Variants in DERA observed in about 807,000 individuals in gnomAD.
DERA encodes deoxyribose-phosphate aldolase.
A neutral mutation model predicts 41.1 loss-of-function variants in DERA; 15 were observed. That is an observed-to-expected ratio of 0.37 (90% CI 0.24 to 0.56). The LOEUF (loss-of-function observed/expected upper bound fraction) is 0.56. DERA is among the 20% of genes least tolerant of loss of function. The pLI, the probability that DERA is intolerant of heterozygous loss-of-function variation, is 0.81. For missense variants in DERA, 396 were observed against 403.4 expected (o/e 0.98, Z 0.16); for synonymous variants, 139 against 137.4 (o/e 1.01, Z -0.08).
rs1949007167 is a variant in DERA at position 16,019,894 on chromosome 12, T to G, written c.638-12648T>G. Among the ~76,000 whole-genome samples, 1 of 152,202 alleles carries G rather than the reference T, an allele frequency of 6.6e-6. No homozygotes were observed. The highest frequency in any genetic ancestry group is 2.4e-5 in the African/African-American group (1 of 41,446). Reference sequence around the variant, plus strand: ...GGCCTGGTGGGAGGGGATTGGATCATGGAGGTAGATCCTTCATGAATGGCT... The same window carrying G: ...GGCCTGGTGGGAGGGGATTGGATCAGGGAGGTAGATCCTTCATGAATGGCT... On this transcript the variant is annotated intron_variant, in intron 6 of 8. Transcript: ENST00000428559. The surrounding 1 kb of genome is among the most constrained non-coding windows in gnomAD (Gnocchi z 4.4).
chr12:15,988,135 T>C lies in DERA; in HGVS notation c.637+5699T>C, dbSNP rs1948777706. On this transcript the variant is annotated intron_variant, in intron 6 of 8. Coordinates refer to ENST00000428559, the MANE Select transcript of DERA (RefSeq NM_015954.4). This position sits in a 1 kb window ranked among gnomAD's most constrained non-coding sequence, Gnocchi z 6.0. ...GAGCCCCAAAGAGGGTGTTACAGCATGTCACAGGCCTAGCTGGGGGAGCCC... is the reference window on the plus strand; with the variant it reads ...GAGCCCCAAAGAGGGTGTTACAGCACGTCACAGGCCTAGCTGGGGGAGCCC... Among the ~76,000 whole-genome samples, 1 of 152,120 alleles carries C rather than the reference T, an allele frequency of 6.6e-6. No homozygotes were observed. Among genetic ancestry groups the C allele is most frequent in the Non-Finnish European group, 1.5e-5 (1 of 68,018 alleles).
rs572818095 is a variant in DERA at position 15,922,818 on chromosome 12, A to T, written c.31+11404A>T. Among the ~76,000 whole-genome samples, 1 of 152,180 alleles carries T rather than the reference A, an allele frequency of 6.6e-6. No individual in the cohort carries two copies. The highest frequency in any genetic ancestry group is 6.5e-5 in the Admixed American group (1 of 15,294). On this transcript the variant is annotated intron_variant, in intron 1 of 8. Transcript: ENST00000428559. The surrounding 1 kb of genome is among the most constrained non-coding windows in gnomAD (Gnocchi z 4.9). Reference sequence around the variant, plus strand: ...GAGGGGCTTCAGTACATTGGCTTGTACTTTCCAAGTCTGTAAAACAGACAC... The same window carrying T: ...GAGGGGCTTCAGTACATTGGCTTGTTCTTTCCAAGTCTGTAAAACAGACAC...
At chr12:15,974,311 A>T (rs1948683481) in intron 5 of DERA, among the ~76,000 whole-genome samples, 1 of 152,204 alleles carries the variant, frequency 6.6e-6, no homozygotes, top group Non-Finnish European at 1.5e-5. Flanking sequence ...AGTGTTCTTT[A>T]TTAGGTGTAG....
chr12:15,982,235 C>A lies in DERA; in HGVS notation c.509-73C>A, dbSNP rs1948737000. 2 of 1,453,038 alleles carry A rather than the reference C, an allele frequency of 1.4e-6. No homozygotes were observed. Among genetic ancestry groups the A allele is most frequent in the South Asian group, 1.3e-5 (1 of 74,242 alleles). The allele number at this position is 1,453,038 out of a possible 1,614,324, so 90.0% of individuals were successfully genotyped here. ...TTCCTAAATGTGAAATGGGTTCCAC[C>A]AGCTCTAAACGGCTGCCAAGTTATG... On this transcript the variant is annotated intron_variant, in intron 5 of 8. Coordinates refer to ENST00000428559, the MANE Select transcript of DERA (RefSeq NM_015954.4). This position sits in a 1 kb window ranked among gnomAD's most constrained non-coding sequence, Gnocchi z 4.0.
Position 15,921,995 on chromosome 12 carries a change from A to T in DERA, c.31+10581A>T. 6.6e-6 allele frequency among the ~76,000 whole-genome samples: 1 copy of T among 152,204 alleles called. No homozygotes were observed. The highest frequency in any genetic ancestry group is 1.9e-4 in the East Asian group (1 of 5,194). On this transcript the variant is annotated intron_variant, in intron 1 of 8. Coordinates refer to ENST00000428559, the MANE Select transcript of DERA (RefSeq NM_015954.4). This position sits in a 1 kb window ranked among gnomAD's most constrained non-coding sequence, Gnocchi z 5.3. Reference sequence around the variant, plus strand: ...AAATGTATTTTAGTTTTGTGTCTTTATAAGCAGAGTTTTCCTTTTTTAACT... The same window carrying T: ...AAATGTATTTTAGTTTTGTGTCTTTTTAAGCAGAGTTTTCCTTTTTTAACT...
At position 16,004,740 on chromosome 12, in the gene DERA, A is replaced by T. The variant is rs1948898634; in HGVS notation, c.637+22304A>T. Among the ~76,000 whole-genome samples the T allele has an allele frequency of 6.6e-6, 1 of 152,114 alleles. No individual in the cohort carries two copies. ...ATTCTTTTTTCAAAAACCAAGGTGGATTATGTTTATTAAATGTTTTTAAAA... is the reference window on the plus strand; with the variant it reads ...ATTCTTTTTTCAAAAACCAAGGTGGTTTATGTTTATTAAATGTTTTTAAAA... On this transcript the variant is annotated intron_variant, in intron 6 of 8. Transcript: ENST00000428559. The surrounding 1 kb of genome is among the most constrained non-coding windows in gnomAD (Gnocchi z 4.2).
At chr12:15,964,096 A>T (rs1484862478) in intron 5 of DERA, among the ~76,000 whole-genome samples, 1 of 152,196 alleles carries the variant, frequency 6.6e-6, no homozygotes, top group African/African-American at 2.4e-5. Flanking sequence ...GTTCCAAAGC[A>T]TGTGGCTTCT....
chr12:15,915,614 T>C lies in DERA; in HGVS notation c.31+4200T>C, dbSNP rs1948193425. 6.6e-6 allele frequency among the ~76,000 whole-genome samples: 1 copy of C among 152,160 alleles called. No homozygotes were observed. The highest frequency in any genetic ancestry group is 6.5e-5 in the Admixed American group (1 of 15,278). On this transcript the variant is annotated intron_variant, in intron 1 of 8. Transcript: ENST00000428559. This position sits in a 1 kb window ranked among gnomAD's most constrained non-coding sequence, Gnocchi z 4.8. Reference sequence around the variant, plus strand: ...ATGGCCTAGAATGGCATCTTAAACCTCAACAATAGGCAAAGGCTATCTGTT... The same window carrying C: ...ATGGCCTAGAATGGCATCTTAAACCCCAACAATAGGCAAAGGCTATCTGTT...
intron 5 of DERA, among the ~76,000 whole-genome samples, chr12:15,979,881 A>G (rs1592031872): frequency 6.6e-6 from 1 of 152,372 alleles, no homozygotes; most frequent in Non-Finnish European, 1.5e-5. Flanking sequence ...GTAGTACTCT[A>G]GAAAAAGGAT....
At position 16,009,151 on chromosome 12, in the gene DERA, A is replaced by G. The variant is rs1948931634; in HGVS notation, c.638-23391A>G. Among the ~76,000 whole-genome samples, 1 of 152,210 alleles carries G rather than the reference A, an allele frequency of 6.6e-6. No individual in the cohort carries two copies. Among genetic ancestry groups the G allele is most frequent in the South Asian group, 2.1e-4 (1 of 4,824 alleles). The stretch of plus-strand genomic sequence containing the variant: ...GCCAAGCACTTAGTAATTTTCAGAA[A>G]GGGAGACTTATTCTGTTCCTCCTCC... On this transcript the variant is annotated intron_variant, in intron 6 of 8. Transcript: ENST00000428559. The surrounding 1 kb of genome is among the most constrained non-coding windows in gnomAD (Gnocchi z 5.3).
chr12:15,973,019 A>T (rs2136156430), intron 5 of DERA, among the ~76,000 whole-genome samples: 1 of 151,954 alleles, frequency 6.6e-6, no homozygotes, highest in Middle Eastern at 3.4e-3. Flanking sequence ...GGCCTTTCTC[A>T]TTGTGGCCGA....
chr12:15,952,905 T>G lies in DERA; in HGVS notation c.32-4031T>G, dbSNP rs1366282809. ...GACAGCCCCACAAACTTGCAGTGCT[T>G]CCGGTTTATTTTTCCTGCATCCTGC... is the stretch of plus-strand genomic sequence containing the variant. On this transcript the variant is annotated intron_variant, in intron 1 of 8. Coordinates refer to ENST00000428559, the MANE Select transcript of DERA (RefSeq NM_015954.4). 2.0e-5 allele frequency among the ~76,000 whole-genome samples: 3 copies of G among 152,184 alleles called. No individual in the cohort carries two copies. The East Asian group carries it at 5.8e-4, about 29-fold the overall frequency.
chr12:15,964,267 G>A (rs1011276103), intron 5 of DERA, among the ~76,000 whole-genome samples: 3 of 152,142 alleles, frequency 2.0e-5, no homozygotes, highest in African/African-American at 4.8e-5. Flanking sequence ...GCTGAGTGAC[G>A]TGGCCATTCT....
At chr12:15,958,956 G>T (rs138291378) in intron 3 of DERA, among the ~76,000 whole-genome samples, 1 of 152,264 alleles carries the variant, frequency 6.6e-6, no homozygotes, top group Non-Finnish European at 1.5e-5. Flanking sequence ...AGGCTAAGCG[G>T]CATTCCCAAG....
intron 1 of DERA, among the ~76,000 whole-genome samples, chr12:15,939,526 G>A (rs1195594704): frequency 6.6e-6 from 1 of 152,080 alleles, no homozygotes; most frequent in Non-Finnish European, 1.5e-5. Flanking sequence ...TTCTTTTGTA[G>A]GAGTAAATTT....
At chr12:15,971,503 C>G (rs1430141492) in intron 5 of DERA, among the ~76,000 whole-genome samples, 14 of 134,700 alleles carry the variant, frequency 1.0e-4, no homozygotes, top group Non-Finnish European at 1.7e-4. Context: ...CTTTATATCT[C>G]AACTCTTTTT....
chr12:15,914,018 T>C (rs923033363), intron 1 of DERA, among the ~76,000 whole-genome samples: 3 of 152,216 alleles, frequency 2.0e-5, no homozygotes, highest in African/African-American at 7.2e-5. Context: ...ACGTGGGTAG[T>C]GATCTTTCTT....
chr12:15,968,029 C>T (rs1375629781), intron 5 of DERA, among the ~76,000 whole-genome samples: 1 of 151,860 alleles, frequency 6.6e-6, no homozygotes, highest in African/African-American at 2.4e-5. Context: ...GTTCTCCTTC[C>T]CCACCAGTCC....
rs1213764434 is a variant in DERA, at chr12:15,967,126, G to A, written c.508+4179G>A. On this transcript the variant is annotated intron_variant, in intron 5 of 8. Transcript: ENST00000428559. The surrounding 1 kb of genome is among the most constrained non-coding windows in gnomAD (Gnocchi z 4.9). The stretch of plus-strand genomic sequence containing the variant: ...GCACTCTGGGAGGCTGAGGCAGGCA[G>A]ATCACTTGAGCCCAGGAGTTCAAGA... Among the ~76,000 whole-genome samples, 6 of 151,932 alleles carry A rather than the reference G, an allele frequency of 3.9e-5. No individual in the cohort carries two copies. The highest frequency in any genetic ancestry group is 7.4e-5 in the Non-Finnish European group (5 of 68,004).
Sources: gnomAD v4.1 joint callset for allele counts (sites outside exome capture counted in the v4.1 genomes callset) on GRCh38, gnomAD v4.1.1 for gene constraint, Gnocchi (gnomAD v3.1) non-coding constraint, MANE v1.5 for transcripts, NCBI Gene and HGNC (gene_info 2026-07-23, HGNC 2026-07-21) for gene names.